TMC5: variants seen among roughly 807,000 people sequenced by gnomAD.
The protein encoded by TMC5 is transmembrane channel-like protein 5.
In TMC5, 86 loss-of-function variants were observed where a neutral mutation model predicts 110.5. That is an observed-to-expected ratio of 0.78 (90% CI 0.65 to 0.93). TMC5 has a LOEUF of 0.93. Ranked by LOEUF, TMC5 falls within the 40% of genes least tolerant of loss-of-function variation. The pLI is 0.00. For missense variants in TMC5, 1,144 were observed against 1,222.8 expected, an observed-to-expected ratio of 0.94 and a Z score of 0.96; for synonymous variants, 455 against 439.5, an observed-to-expected ratio of 1.04 and a Z score of -0.44.
chr16:19,434,348 T>TA (rs1333425284), intron 2 of TMC5, among the ~76,000 whole-genome samples: 3 of 115,294 alleles, frequency 2.6e-5, no homozygotes, highest in Non-Finnish European at 5.0e-5. Flanking sequence ...ATATATTATA[T>TA]GATCTATATT....
At position 19,477,516 on chromosome 16, in the gene TMC5, G is replaced by A; in HGVS notation, c.2167G>A (p.Glu723Lys). 1 of 1,604,432 alleles carries A rather than the reference G, an allele frequency of 6.2e-7. No individual in the cohort carries two copies. The highest frequency in any genetic ancestry group is 8.5e-7 in the Non-Finnish European group (1 of 1,174,968). The change falls in exon 13 of 22, where the codon GAG becomes AAG. Residue 723 changes from glutamate (E) to lysine (K), a missense_variant and splice_region_variant. Physicochemically the swap from Glu to Lys is moderately conservative, Grantham distance 56 (BLOSUM62 1). Transcript: ENST00000542583. ...WLNTVALSGE[E>K]CWETLIGQDI... Reference sequence around the variant, plus strand: ...CAACACCGTGGCCCTGTCTGGTGAAGAGGTGAGATTCTATGCTTCTCTGCC... The same window carrying A: ...CAACACCGTGGCCCTGTCTGGTGAAAAGGTGAGATTCTATGCTTCTCTGCC...
intron 11 of TMC5, among the ~76,000 whole-genome samples, chr16:19,472,739 A>G (rs1597204094): frequency 6.6e-6 from 1 of 152,174 alleles, no homozygotes; most frequent in African/African-American, 2.4e-5. Context: ...AGAGAAGCTA[A>G]GGATCTGGCC....
rs181696408 is a variant in TMC5 at position 19,430,040 on chromosome 16, G to T, written c.-307-373G>T. Among the ~76,000 whole-genome samples, 21 of 152,104 alleles carry T rather than the reference G, an allele frequency of 1.4e-4. No homozygotes were observed. The East Asian group carries it at 3.9e-3, about 28-fold the overall frequency. The stretch of plus-strand genomic sequence containing the variant: ...GGGATGCAACTCAACTCATAACAGT[G>T]GTCACGGTATGAACAGCATATGCCC... On this transcript the variant is annotated intron_variant, in intron 1 of 21. Transcript: ENST00000542583.
chr16:19,411,444 A>G (rs935144748), intron 1 of TMC5: 20 of 152,138 alleles, frequency 1.3e-4, no homozygotes, highest in African/African-American at 4.8e-4. Flanking sequence ...GTCCTATTTT[A>G]CCCTTGGGAG....
At chr16:19,497,458 CAG>C (rs1302341278) in intron 21 of TMC5, among the ~76,000 whole-genome samples, 1 of 152,206 alleles carries the variant, frequency 6.6e-6, no homozygotes, top group African/African-American at 2.4e-5. Flanking sequence ...TATATCTTCT[CAG>C]AGTCAGTCTG....
chr16:19,456,739 C>T (rs1967882956), intron 5 of TMC5: 1 of 1,612,980 alleles, frequency 6.2e-7, no homozygotes, highest in African/African-American at 1.3e-5. Flanking sequence ...ATGAAATCAT[C>T]ATACAGGTTG....
At position 19,486,877 on chromosome 16, in the gene TMC5, C is replaced by T. The variant is rs919100509; in HGVS notation, c.2364-68C>T. 1.4e-5 allele frequency: 19 copies of T among 1,395,962 alleles called. No individual in the cohort carries two copies. The South Asian group carries it at 2.2e-4, about 16-fold the overall frequency. 86.5% of individuals were successfully genotyped at this position (1,395,962 alleles called of 1,614,324 possible). The stretch of plus-strand genomic sequence containing the variant: ...ATATCTTCTTTCTCTTCCCCCCAAC[C>T]ATCCCAGATTCACCCCGACTCCTTG... On this transcript the variant is annotated intron_variant, in intron 15 of 21. Coordinates refer to ENST00000542583, the MANE Select transcript of TMC5 (RefSeq NM_001261841.2).
chr16:19,425,717 C>T (rs957888894), intron 1 of TMC5, among the ~76,000 whole-genome samples: 4 of 152,166 alleles, frequency 2.6e-5, no homozygotes, highest in Admixed American at 6.6e-5. Flanking sequence ...GATAGAGTCT[C>T]ACTCTGTCAT....
intron 8 of TMC5, among the ~76,000 whole-genome samples, chr16:19,465,536 T>A (rs760079843): frequency 9.2e-5 from 14 of 151,904 alleles, no homozygotes; most frequent in East Asian, 1.9e-4. Context: ...CTCAAAAAAA[T>A]AAATAAATAA....
chr16:19,490,760 T>TTCCTTCCTTCCTTCCC (rs902892521), intron 18 of TMC5, among the ~76,000 whole-genome samples, 192 bp downstream of exon 18: 1 of 51,292 alleles, frequency 1.9e-5, no homozygotes, highest in African/African-American at 4.1e-5. Context: ...CCTTCCTTCC[T>TTCCTTCCTTCCTTCCC]TCCCTTCCTT....
chr16:19,414,825 C>T (rs1191062062), upstream of TMC5, among the ~76,000 whole-genome samples: 1 of 151,540 alleles, frequency 6.6e-6, no homozygotes, highest in Non-Finnish European at 1.5e-5. Context: ...GCAGGAGGAT[C>T]GCTTGAGGCC....
intron 19 of TMC5, among the ~76,000 whole-genome samples, chr16:19,493,994 G>A (rs1391402341): frequency 6.6e-6 from 1 of 152,158 alleles, no homozygotes; most frequent in Non-Finnish European, 1.5e-5. Context: ...GCTTCCAGCA[G>A]CCGACTTCTG....
chr16:19,455,406 G>A (rs1383590546), intron 5 of TMC5, among the ~76,000 whole-genome samples: 1 of 152,120 alleles, frequency 6.6e-6, no homozygotes, highest in East Asian at 1.9e-4. Flanking sequence ...GGGCAACAGA[G>A]AGAGACTCTG....
chr16:19,455,447 TA>T (rs1240282574), intron 5 of TMC5, among the ~76,000 whole-genome samples: 2 of 152,082 alleles, frequency 1.3e-5, no homozygotes, highest in Non-Finnish European at 2.9e-5. Flanking sequence ...TAAAAATTTT[TA>T]AAAAGCAAAA....
At chr16:19,491,950 G>A (rs1968918189) in intron 18 of TMC5, among the ~76,000 whole-genome samples, 200 bp from the exon 19 acceptor site, 1 of 152,186 alleles carries the variant, frequency 6.6e-6, no homozygotes. Flanking sequence ...AAGAGGAGCT[G>A]TGGCATGGGC....
At chr16:19,445,353 C>T (rs1405304082) in intron 4 of TMC5, among the ~76,000 whole-genome samples, 2 of 152,060 alleles carry the variant, frequency 1.3e-5, no homozygotes, top group Non-Finnish European at 2.9e-5. Flanking sequence ...AGCAATCCTC[C>T]CACCTCAGCC....
At chr16:19,422,696 C>T (rs1277977421) in intron 1 of TMC5, among the ~76,000 whole-genome samples, 1 of 152,080 alleles carries the variant, frequency 6.6e-6, no homozygotes, top group Non-Finnish European at 1.5e-5. Context: ...CCCAGTGGCT[C>T]ACCCCTGTCA....
intron 2 of TMC5, among the ~76,000 whole-genome samples, chr16:19,434,265 AAT>A (rs1395789326): frequency 5.3e-4 from 56 of 105,352 alleles, no homozygotes; most frequent in African/African-American, 1.6e-3. Context: ...ATATATCTAT[AAT>A]ATATATAGAT....
intron 17 of TMC5, among the ~76,000 whole-genome samples, chr16:19,487,627 G>A (rs188846423): frequency 1.3e-5 from 2 of 151,832 alleles, no homozygotes; most frequent in South Asian, 4.1e-4. Flanking sequence ...ACTTGAACCC[G>A]GGAGGTGGAG....
Sources: allele counts gnomAD v4.1 joint callset (sites outside exome capture counted in the v4.1 genomes callset), GRCh38; gene constraint gnomAD v4.1.1; transcripts MANE v1.5; gene names NCBI Gene and HGNC (gene_info 2026-07-23, HGNC 2026-07-21).